ZDHHC3: variants seen among roughly 807,000 people sequenced by gnomAD.
The protein encoded by ZDHHC3 is zDHHC palmitoyltransferase 3.
A neutral mutation model predicts 30.6 loss-of-function variants in ZDHHC3; 9 were observed. The ratio of observed to expected loss-of-function variants is 0.29; its 90% CI spans 0.18 to 0.51. The LOEUF is 0.51. ZDHHC3 is among the 20% of genes least tolerant of loss of function. The pLI, the probability that ZDHHC3 is intolerant of heterozygous loss-of-function variation, is 0.97. For synonymous variants in ZDHHC3, 136 were observed against 140.2 expected, an observed-to-expected ratio of 0.97 and a Z score of 0.21; for missense variants, 246 against 384.2, an observed-to-expected ratio of 0.64 and a Z score of 3.01.
At chr3:44,964,748 G>A (rs1229968636) in intron 1 of ZDHHC3, among the ~76,000 whole-genome samples, 1 of 152,206 alleles carries the variant, frequency 6.6e-6, no homozygotes. Flanking sequence ...TAGGTTTTCT[G>A]TTCCTCTAAG....
Position 44,920,119 on chromosome 3 carries a change from A to G in ZDHHC3, c.*6570T>C. On this transcript the variant is annotated 3_prime_UTR_variant, in exon 7 of 7. Transcript: ENST00000424952. ...CAATCCAAGTTTTACCAATGAGCCA[A>G]TGTTACTTTTATAATCAGAACAAAA... 8.1e-7 allele frequency: 1 copy of G among 1,230,938 alleles called. No individual in the cohort carries two copies. Among genetic ancestry groups the G allele is most frequent in the Admixed American group, 2.7e-5 (1 of 36,866 alleles). The allele number at this position is 1,230,938 out of a possible 1,614,324, so 76.3% of individuals were successfully genotyped here. A position where few individuals can be genotyped will look rare whatever the true frequency, so the allele number is the denominator to read the frequency against.
intron 2 of ZDHHC3, among the ~76,000 whole-genome samples, chr3:44,950,382 G>C (rs975152056): frequency 1.3e-5 from 2 of 152,134 alleles, no homozygotes; most frequent in Admixed American, 6.6e-5. Context: ...AAGCCCCAGG[G>C]GACCCTGTAT....
chr3:44,959,342 G>A lies in ZDHHC3; in HGVS notation c.95C>T (p.Pro32Leu). ...ACGGATAAACCACATGGTTCCCACAGGACCAGGGTAGGGGGGTGGGACACA... is the reference window on the plus strand; with the variant it reads ...ACGGATAAACCACATGGTTCCCACAAGACCAGGGTAGGGGGGTGGGACACA... The part of the protein sequence containing the change: ...EKCVPPPYPG[P>L]VGTMWFIRDG... The change falls in exon 2 of 7, where the codon CCT becomes CTT. Residue 32 changes from proline (P) to leucine (L), a missense_variant. Physicochemically the swap from Pro to Leu is moderately conservative, Grantham distance 98. Transcript: ENST00000424952. The surrounding 1 kb of genome is among the most constrained non-coding windows in gnomAD (Gnocchi z 4.3). 1 of 1,614,230 alleles carries A rather than the reference G, an allele frequency of 6.2e-7. No individual in the cohort carries two copies. The highest frequency in any genetic ancestry group is 1.7e-5 in the Admixed American group (1 of 60,024).
intron 1 of ZDHHC3, among the ~76,000 whole-genome samples, chr3:44,974,819 A>G (rs1705743730): frequency 6.6e-6 from 1 of 152,162 alleles, no homozygotes. Context: ...CTTCCTCTCT[A>G]TAACCTTATC....
chr3:44,945,682 C>T (rs912074964), intron 2 of ZDHHC3, among the ~76,000 whole-genome samples: 4 of 151,962 alleles, frequency 2.6e-5, no homozygotes, highest in Admixed American at 6.6e-5. Flanking sequence ...TTCAGCCTCC[C>T]GAGTAGCTTG....
In ZDHHC3 at chr3:44,933,759, G is replaced by A; in HGVS notation, c.528+129C>T. ...TGTTGAGCCAGAGAGATCTTTGGCA[G>A]GAAGGCAGAGATCTACAGGGCCAGG... On this transcript the variant is annotated intron_variant, in intron 4 of 6. Transcript: ENST00000424952. 3.6e-6 allele frequency: 3 copies of A among 841,892 alleles called. No individual in the cohort carries two copies. In the South Asian group the frequency reaches 4.5e-5, roughly 13 times the overall value. The allele number at this position is 841,892 out of a possible 1,614,324, so 52.2% of individuals were successfully genotyped here.
intron 3 of ZDHHC3, among the ~76,000 whole-genome samples, chr3:44,936,991 C>T (rs1486393249): frequency 6.6e-6 from 1 of 152,000 alleles, no homozygotes; most frequent in Non-Finnish European, 1.5e-5. Flanking sequence ...ATTTAGGTCA[C>T]CAGCCAATAG....
At position 44,920,351 on chromosome 3, in the gene ZDHHC3, G is replaced by C. The variant is rs1252689172; in HGVS notation, c.*6338C>G. ...ATCATCTGCAGCCTGTTGAGAAAGA[G>C]GCTTTAACTTCATAGCACGAGAGCT... On this transcript the variant is annotated 3_prime_UTR_variant, in exon 7 of 7. Coordinates refer to ENST00000424952, the MANE Select transcript of ZDHHC3 (RefSeq NM_001135179.2). The C allele has an allele frequency of 7.8e-7, 1 of 1,289,554 alleles. No homozygotes were observed. The highest frequency in any genetic ancestry group is 1.5e-5 in the African/African-American group (1 of 65,866). The allele number at this position is 1,289,554 out of a possible 1,614,324, so 79.9% of individuals were successfully genotyped here. A position where few individuals can be genotyped will look rare whatever the true frequency, so the allele number is the denominator to read the frequency against.
Position 44,925,422 on chromosome 3 carries a change from T to G in ZDHHC3, c.*1267A>C. On this transcript the variant is annotated 3_prime_UTR_variant, in exon 7 of 7. Coordinates refer to ENST00000424952, the MANE Select transcript of ZDHHC3 (RefSeq NM_001135179.2). ...TTCCCCGATGGTCAATAATCATATT[T>G]GTTATTTTTGCACTTGGAGGGCACT... is the stretch of plus-strand genomic sequence containing the variant. 1.0e-6 allele frequency: 1 copy of G among 985,610 alleles called. No homozygotes were observed. Among genetic ancestry groups the G allele is most frequent in the Non-Finnish European group, 1.2e-6 (1 of 829,944 alleles). The allele number at this position is 985,610 out of a possible 1,614,324, so 61.1% of individuals were successfully genotyped here.
rs577046301 is a variant in ZDHHC3 at position 44,923,554 on chromosome 3, G to A, written c.*3135C>T. On this transcript the variant is annotated 3_prime_UTR_variant, in exon 7 of 7. Transcript: ENST00000424952. ...CAGTGGCTCACGCCTGTAATCCCAGGACTTTGGGAGGCTAAGGCAGGAAAA... is the reference window on the plus strand; with the variant it reads ...CAGTGGCTCACGCCTGTAATCCCAGAACTTTGGGAGGCTAAGGCAGGAAAA... 8.8e-5 allele frequency: 87 copies of A among 984,418 alleles called. No homozygotes were observed. In the African/African-American group the frequency reaches 1.4e-3, roughly 16 times the overall value. 61.0% of individuals were successfully genotyped at this position (984,418 alleles called of 1,614,324 possible).
rs2125789868 is a variant in ZDHHC3 at position 44,923,023 on chromosome 3, C to G, written c.*3666G>C. On this transcript the variant is annotated 3_prime_UTR_variant, in exon 7 of 7. Coordinates refer to ENST00000424952, the MANE Select transcript of ZDHHC3 (RefSeq NM_001135179.2). The stretch of plus-strand genomic sequence containing the variant: ...GCCTGGCTGAGAAAGCCCATCCCAG[C>G]CCACCCGGAGAGGAGTTTCTGTGTA... The G allele has an allele frequency of 2.0e-6, 2 of 985,148 alleles. No individual in the cohort carries two copies. Among genetic ancestry groups the G allele is most frequent in the Non-Finnish European group, 2.4e-6 (2 of 829,876 alleles). The allele number at this position is 985,148 out of a possible 1,614,324, so 61.0% of individuals were successfully genotyped here.
intron 4 of ZDHHC3, 26 bp from the exon 5 acceptor site, chr3:44,933,225 C>T (rs990885088): frequency 6.2e-7 from 1 of 1,609,040 alleles, no homozygotes; most frequent in Non-Finnish European, 8.5e-7. Flanking sequence ...AGTGCAGACA[C>T]CATTGTTGTG....
In ZDHHC3 at chr3:44,922,236, T is replaced by A. The variant is rs922902840; in HGVS notation, c.*4453A>T. ...GAAACCCACACGTAGAAAGCAAAGG[T>A]CAAGACGTGTTCAGGTCATGTATCC... is the stretch of plus-strand genomic sequence containing the variant. On this transcript the variant is annotated 3_prime_UTR_variant, in exon 7 of 7. Transcript: ENST00000424952. The A allele has an allele frequency of 2.0e-6, 2 of 985,236 alleles. No homozygotes were observed. Among genetic ancestry groups the A allele is most frequent in the African/African-American group, 3.5e-5 (2 of 57,198 alleles). 61.0% of individuals were successfully genotyped at this position (985,236 alleles called of 1,614,324 possible).
intron 1 of ZDHHC3, among the ~76,000 whole-genome samples, chr3:44,969,135 A>T (rs941261078): frequency 1.3e-5 from 2 of 152,228 alleles, no homozygotes; most frequent in Non-Finnish European, 2.9e-5. Flanking sequence ...ATACTCTCAT[A>T]GTTTGTGAAC....
chr3:44,940,660 T>C (rs1056458924), intron 3 of ZDHHC3, among the ~76,000 whole-genome samples: 3 of 152,216 alleles, frequency 2.0e-5, no homozygotes, highest in Non-Finnish European at 2.9e-5. Flanking sequence ...TTGTCGTCAC[T>C]GTAGAAGAAG....
At position 44,975,930 on chromosome 3, in the gene ZDHHC3, G is replaced by T; in HGVS notation, c.-25+3C>A. 1 of 241,796 alleles carries T rather than the reference G, an allele frequency of 4.1e-6. No individual in the cohort carries two copies. Among genetic ancestry groups the T allele is most frequent in the South Asian group, 1.1e-4 (1 of 9,176 alleles). The allele number at this position is 241,796 out of a possible 1,614,324, so 15.0% of individuals were successfully genotyped here. A position where few individuals can be genotyped will look rare whatever the true frequency, so the allele number is the denominator to read the frequency against. On this transcript the variant is annotated splice_donor_region_variant and intron_variant, in intron 1 of 6. Coordinates refer to ENST00000424952, the MANE Select transcript of ZDHHC3 (RefSeq NM_001135179.2). ...CCTACCCCAGTTTCCCTTCCCAACTGACCGTGAAGCCGGAGGCAGTTCCCC... is the reference window on the plus strand; with the variant it reads ...CCTACCCCAGTTTCCCTTCCCAACTTACCGTGAAGCCGGAGGCAGTTCCCC...
intron 2 of ZDHHC3, among the ~76,000 whole-genome samples, chr3:44,952,614 G>A (rs574940775): frequency 2.0e-5 from 3 of 152,248 alleles, no homozygotes; most frequent in East Asian, 3.9e-4. Flanking sequence ...ACCTCCCTCC[G>A]TAAACAGTCC....
In ZDHHC3 at chr3:44,927,963, A is replaced by G. The variant is rs928018345; in HGVS notation, c.742-1116T>C. 3.9e-5 allele frequency among the ~76,000 whole-genome samples: 6 copies of G among 152,162 alleles called. No homozygotes were observed. The South Asian group carries it at 1.2e-3, about 31-fold the overall frequency. Reference sequence around the variant, plus strand: ...CCTCCAGCTTTCTCCTTTCCTTCCAACACAATTCTCTTTAGGAATGGTCTT... The same window carrying G: ...CCTCCAGCTTTCTCCTTTCCTTCCAGCACAATTCTCTTTAGGAATGGTCTT... On this transcript the variant is annotated intron_variant, in intron 6 of 6. Coordinates refer to ENST00000424952, the MANE Select transcript of ZDHHC3 (RefSeq NM_001135179.2).
Position 44,959,185 on chromosome 3 carries a change from G to T in ZDHHC3, c.252C>A (p.Asn84Lys), listed in dbSNP as rs778331068. Residue 84 changes from asparagine (N) to lysine (K), a missense_variant, in exon 2 of 7, where the codon AAC becomes AAA. Transcript: ENST00000424952. This position sits in a 1 kb window ranked among gnomAD's most constrained non-coding sequence, Gnocchi z 4.3. ...AGGCCAGGGCCAAGAAGGCCAGCAGGTTGAACACAATTCCGTTGATGATGC... is the reference window on the plus strand; with the variant it reads ...AGGCCAGGGCCAAGAAGGCCAGCAGTTTGAACACAATTCCGTTGATGATGC... ...VYSIINGIVF[N>K]LLAFLALASH... 6.2e-7 allele frequency: 1 copy of T among 1,614,264 alleles called. No individual in the cohort carries two copies. Among genetic ancestry groups the T allele is most frequent in the Non-Finnish European group, 8.5e-7 (1 of 1,180,052 alleles).
Sources: allele counts gnomAD v4.1 joint callset (sites outside exome capture counted in the v4.1 genomes callset), GRCh38; gene constraint gnomAD v4.1.1; non-coding constraint Gnocchi (gnomAD v3.1); transcripts MANE v1.5; gene names NCBI Gene and HGNC (gene_info 2026-07-23, HGNC 2026-07-21).